The following RAB38 variants were observed in gnomAD, a reference collection of about 807,000 sequenced individuals.
RAB38 encodes ras-related protein Rab-38.
RAB38 carries 15 observed loss-of-function variants against 18.4 expected under a neutral mutation model. The observed-to-expected ratio is 0.82, with a 90% CI of 0.55 to 1.26. RAB38 has a LOEUF of 1.26. Ranked by LOEUF, RAB38 falls within the 50% of genes most tolerant of loss-of-function variation. The pLI, the probability that RAB38 is intolerant of heterozygous loss-of-function variation, is 0.00. For missense variants in RAB38, 294 were observed against 267.4 expected (o/e 1.10, Z -0.69); for synonymous variants, 101 against 104.4 (o/e 0.97, Z 0.20).
the RAB38 span, among the ~76,000 whole-genome samples, chr11:87,925,393 C>G: frequency 6.6e-6 from 1 of 152,096 alleles, no homozygotes; most frequent in East Asian, 1.9e-4. Flanking sequence ...TGCTAAGCAT[C>G]TGTGTTAGGG....
the RAB38 span, among the ~76,000 whole-genome samples, chr11:87,969,271 T>C: frequency 0.012 from 1,779 of 152,258 alleles, 40 homozygotes; most frequent in African/African-American, 0.04. Flanking sequence ...TTTGGCACAG[T>C]TGGCCAATCC....
At chr11:87,952,606 C>T in the RAB38 span, among the ~76,000 whole-genome samples, 5 of 152,126 alleles carry the variant, frequency 3.3e-5, no homozygotes, top group African/African-American at 9.7e-5. Context: ...ATGGGTTATA[C>T]CCACAAATCC....
the RAB38 span, among the ~76,000 whole-genome samples, chr11:88,070,407 C>G: frequency 6.6e-6 from 1 of 152,226 alleles, no homozygotes; most frequent in Non-Finnish European, 1.5e-5. Context: ...TTCAAGAACT[C>G]TAACACTCAC....
chr11:87,841,727 A>ATTGT, the RAB38 span, among the ~76,000 whole-genome samples: 1 of 152,190 alleles, frequency 6.6e-6, no homozygotes, highest in Non-Finnish European at 1.5e-5. Context: ...GAAAAAACTC[A>ATTGT]TTGTTTATAG....
At chr11:88,076,168 CA>C in the RAB38 span, among the ~76,000 whole-genome samples, 1 of 151,618 alleles carries the variant, frequency 6.6e-6, no homozygotes, top group Non-Finnish European at 1.5e-5. Context: ...TAGAAAGCAT[CA>C]TTAAAGACTA....
the RAB38 span, among the ~76,000 whole-genome samples, chr11:87,917,355 T>C: frequency 6.6e-6 from 1 of 151,530 alleles, no homozygotes; most frequent in East Asian, 2.0e-4. Context: ...TGGGAGGAGG[T>C]GGAGAACAGG....
At chr11:87,963,729 T>A in the RAB38 span, among the ~76,000 whole-genome samples, 233 of 151,650 alleles carry the variant, frequency 1.5e-3, 1 homozygote, top group African/African-American at 4.9e-3. Flanking sequence ...TCCCTGCAAC[T>A]TCTGCCTCCC....
the RAB38 span, among the ~76,000 whole-genome samples, chr11:87,843,641 ATG>A: frequency 6.6e-6 from 1 of 152,216 alleles, no homozygotes; most frequent in African/African-American, 2.4e-5. Flanking sequence ...ATAATTTTGT[ATG>A]TGTTACTTAA....
chr11:88,027,197 A>T, the RAB38 span, among the ~76,000 whole-genome samples: 2 of 152,052 alleles, frequency 1.3e-5, no homozygotes, highest in Non-Finnish European at 2.9e-5. Flanking sequence ...AACTTTTGTC[A>T]AAGTTTTTTT....
chr11:88,020,140 G>A, the RAB38 span, among the ~76,000 whole-genome samples: 4 of 151,802 alleles, frequency 2.6e-5, no homozygotes, highest in Admixed American at 2.0e-4. Flanking sequence ...TTTGTATCAG[G>A]GTATATAAAA....
intron 2 of RAB38, among the ~76,000 whole-genome samples, chr11:88,145,301 C>T (rs1406552649): frequency 6.6e-6 from 1 of 152,054 alleles, no homozygotes; most frequent in Non-Finnish European, 1.5e-5. Flanking sequence ...CAGGTGCCTG[C>T]TGCCAGCCTG....
the RAB38 span, among the ~76,000 whole-genome samples, chr11:87,859,931 T>C: frequency 6.6e-6 from 1 of 152,034 alleles, no homozygotes; most frequent in Non-Finnish European, 1.5e-5. Flanking sequence ...GAGAAAGCCA[T>C]GGTGCTTATG....
At chr11:88,043,244 G>A in the RAB38 span, among the ~76,000 whole-genome samples, 24 of 152,240 alleles carry the variant, frequency 1.6e-4, no homozygotes, top group South Asian at 6.2e-4. Context: ...CAGCTAGATC[G>A]TTATTTGTCT....
chr11:88,048,870 A>T, the RAB38 span, among the ~76,000 whole-genome samples: 7 of 152,076 alleles, frequency 4.6e-5, no homozygotes, highest in Non-Finnish European at 8.8e-5. Flanking sequence ...GAACCTCCTT[A>T]GGCACTCTGG....
At chr11:88,075,032 C>A in the RAB38 span, among the ~76,000 whole-genome samples, 1 of 152,034 alleles carries the variant, frequency 6.6e-6, no homozygotes, top group Non-Finnish European at 1.5e-5. Flanking sequence ...ATGTACTAAA[C>A]CCTGGAGCAC....
the RAB38 span, among the ~76,000 whole-genome samples, chr11:87,941,237 A>ATATATATATATATG: frequency 9.7e-5 from 12 of 123,640 alleles, no homozygotes; most frequent in Middle Eastern, 4.3e-3. Flanking sequence ...ATATATATAT[A>ATATATATATATATG]TATATATATG....
At chr11:88,153,512 C>T (rs932142830) in intron 1 of RAB38, among the ~76,000 whole-genome samples, 1 of 152,216 alleles carries the variant, frequency 6.6e-6, no homozygotes, top group Non-Finnish European at 1.5e-5. Context: ...TGCTCCACCT[C>T]AGCCCCTCAT....
At chr11:87,862,081 A>T in the RAB38 span, among the ~76,000 whole-genome samples, 3 of 151,928 alleles carry the variant, frequency 2.0e-5, no homozygotes, top group Admixed American at 1.3e-4. Flanking sequence ...TAAATCAGTT[A>T]AACTATTGTG....
chr11:88,053,791 C>CT, the RAB38 span, among the ~76,000 whole-genome samples: 14,118 of 139,384 alleles, frequency 0.1, 710 homozygotes, highest in Middle Eastern at 0.14. Flanking sequence ...AGGACTTAAG[C>CT]TTTTTTTTTT....
Sources: gnomAD v4.1 joint callset for allele counts (sites outside exome capture counted in the v4.1 genomes callset) on GRCh38, gnomAD v4.1.1 for gene constraint, MANE v1.5 for transcripts, NCBI Gene and HGNC (gene_info 2026-07-23, HGNC 2026-07-21) for gene names.